METTL24: variants seen among roughly 807,000 people sequenced by gnomAD.
METTL24 encodes methyltransferase like 24, also known as probable methyltransferase-like protein 24.
Under a neutral mutation model 32.7 loss-of-function variants are expected in METTL24, and 29 were observed. The ratio of observed to expected loss-of-function variants is 0.89; its 90% CI spans 0.66 to 1.21. The LOEUF is 1.21. METTL24 is among the 50% of genes most tolerant of loss of function. The probability of loss-of-function intolerance (pLI) is 0.00; values close to 1 mark genes in which losing one functional copy is unlikely to be tolerated. For synonymous variants in METTL24, 163 were observed against 179.5 expected (o/e 0.91, Z 0.73); for missense variants, 439 against 468.1 (o/e 0.94, Z 0.57).
At chr6:110,318,332 C>T (rs189482914) in intron 2 of METTL24, among the ~76,000 whole-genome samples, 5 of 152,266 alleles carry the variant, frequency 3.3e-5, no homozygotes, top group African/African-American at 7.2e-5. Flanking sequence ...ATAAGGTCCC[C>T]TCTTCCTTTC....
chr6:110,302,452 T>C (rs1461621996), intron 3 of METTL24, among the ~76,000 whole-genome samples: 3 of 122,718 alleles, frequency 2.4e-5, no homozygotes. Flanking sequence ...TATATACACA[T>C]ATACACACAT....
chr6:110,252,011 G>A (rs538108641), intron 4 of METTL24, among the ~76,000 whole-genome samples: 63 of 152,244 alleles, frequency 4.1e-4, no homozygotes, highest in African/African-American at 1.5e-3. Flanking sequence ...GGGTGAGGTG[G>A]TACACTCCTG....
intron 4 of METTL24, among the ~76,000 whole-genome samples, chr6:110,265,486 G>A (rs762748112): frequency 6.6e-6 from 1 of 152,148 alleles, no homozygotes; most frequent in African/African-American, 2.4e-5. Flanking sequence ...TCAATGCTGC[G>A]CAGACAAATG....
At chr6:110,287,137 T>C (rs773882624) in intron 4 of METTL24, among the ~76,000 whole-genome samples, 3 of 152,204 alleles carry the variant, frequency 2.0e-5, no homozygotes, top group African/African-American at 4.8e-5. Context: ...AGTTAAACAC[T>C]GAATGGTTTG....
chr6:110,271,255 G>C (rs1351956356), intron 4 of METTL24, among the ~76,000 whole-genome samples: 2 of 152,014 alleles, frequency 1.3e-5, no homozygotes, highest in Non-Finnish European at 2.9e-5. Flanking sequence ...GCAGAAGACA[G>C]CTTTCTAGTA....
chr6:110,348,205 TGAGTTAA>T (rs781606235), intron 1 of METTL24, among the ~76,000 whole-genome samples: 9 of 152,234 alleles, frequency 5.9e-5, no homozygotes, highest in Non-Finnish European at 8.8e-5. Context: ...GACAACCCTG[TGAGTTAA>T]GTATTAGTAA....
chr6:110,343,474 A>C (rs756886162), intron 1 of METTL24, among the ~76,000 whole-genome samples: 8 of 152,238 alleles, frequency 5.3e-5, no homozygotes, highest in Non-Finnish European at 8.8e-5. Context: ...ATTATTGAAA[A>C]CAAACACTCA....
chr6:110,315,399 T>C lies in METTL24; in HGVS notation c.500A>G (p.Asp167Gly). The C allele has an allele frequency of 1.2e-6, 2 of 1,614,218 alleles. No individual in the cohort carries two copies. Among genetic ancestry groups the C allele is most frequent in the Non-Finnish European group, 1.7e-6 (2 of 1,180,034 alleles). ...THKPWSVCLD[D>G]RFNLAHQIRN... ...GATTTGATGAGCTAAATTGAACCTGTCGTCAAGACACACTGACCAGGGCTT... is the reference window on the plus strand; with the variant it reads ...GATTTGATGAGCTAAATTGAACCTGCCGTCAAGACACACTGACCAGGGCTT... Residue 167 changes from aspartate to glycine, a missense_variant, in exon 3 of 5, where the codon GAC (aspartate) becomes GGC (glycine). Physicochemically the swap from Asp to Gly is moderately conservative, Grantham distance 94. Coordinates refer to ENST00000338882, the MANE Select transcript of METTL24 (RefSeq NM_001123364.3).
chr6:110,293,641 A>G (rs1214462932), intron 4 of METTL24, among the ~76,000 whole-genome samples: 1 of 151,988 alleles, frequency 6.6e-6, no homozygotes, highest in African/African-American at 2.4e-5. Context: ...TTAAATAACA[A>G]TGGTGATTAC....
At chr6:110,287,154 A>G (rs1039941713) in intron 4 of METTL24, among the ~76,000 whole-genome samples, 10 of 152,340 alleles carry the variant, frequency 6.6e-5, no homozygotes, top group African/African-American at 2.4e-4. Flanking sequence ...TTTGAAAAAT[A>G]TTCAGAAGAG....
chr6:110,303,395 A>G (rs1175792648), intron 3 of METTL24, among the ~76,000 whole-genome samples: 3 of 152,204 alleles, frequency 2.0e-5, no homozygotes, highest in African/African-American at 7.2e-5. Context: ...CAAGGAGCCC[A>G]GCAAGCTAAG....
intron 4 of METTL24, among the ~76,000 whole-genome samples, chr6:110,275,030 C>T (rs767098539): frequency 1.2e-4 from 18 of 151,736 alleles, no homozygotes; most frequent in South Asian, 4.2e-4. Flanking sequence ...AACTCCTGGG[C>T]TCAAGTGATC....
chr6:110,267,456 A>T (rs1362653735), intron 4 of METTL24, among the ~76,000 whole-genome samples: 3 of 152,224 alleles, frequency 2.0e-5, no homozygotes, highest in Non-Finnish European at 4.4e-5. Context: ...TATAGATTAG[A>T]TAAAAAAACT....
intron 4 of METTL24, among the ~76,000 whole-genome samples, chr6:110,284,511 A>G (rs1350175052): frequency 6.6e-6 from 1 of 152,186 alleles, no homozygotes; most frequent in Non-Finnish European, 1.5e-5. Context: ...AGACAGATGG[A>G]GAGAAAGATG....
At chr6:110,330,272 C>T (rs1772090435) in intron 1 of METTL24, among the ~76,000 whole-genome samples, 1 of 152,218 alleles carries the variant, frequency 6.6e-6, no homozygotes, top group African/African-American at 2.4e-5. Flanking sequence ...GTTTCCTCTC[C>T]TCTCTGAGGC....
At chr6:110,262,250 A>T (rs1770748283) in intron 4 of METTL24, among the ~76,000 whole-genome samples, 1 of 152,226 alleles carries the variant, frequency 6.6e-6, no homozygotes, top group African/African-American at 2.4e-5. Flanking sequence ...AGAGAGAAGA[A>T]TCAAATAGAC....
chr6:110,257,432 C>T (rs536854001), intron 4 of METTL24, among the ~76,000 whole-genome samples: 3 of 152,060 alleles, frequency 2.0e-5, no homozygotes. Context: ...AAATTAATTT[C>T]TCTGCCACAT....
rs1778114147 is a variant in METTL24, at chr6:110,244,583, T to C, written c.*1363A>G. ...CGAGGCCTCAGGAAACTTACAGTCG[T>C]GGTGGAAGGGGAAGCAAACACATCC... On this transcript the variant is annotated 3_prime_UTR_variant, in exon 5 of 5. Transcript: ENST00000338882. Among the ~76,000 whole-genome samples, 1 of 152,104 alleles carries C rather than the reference T, an allele frequency of 6.6e-6. No individual in the cohort carries two copies. The highest frequency in any genetic ancestry group is 2.1e-4 in the South Asian group (1 of 4,824).
chr6:110,329,546 AT>A (rs1167486484), intron 1 of METTL24, among the ~76,000 whole-genome samples: 1 of 152,096 alleles, frequency 6.6e-6, no homozygotes, highest in Admixed American at 6.5e-5. Flanking sequence ...ACAAAATGGT[AT>A]CTGGACAGAA....
Sources: gnomAD v4.1 joint callset for allele counts (sites outside exome capture counted in the v4.1 genomes callset) on GRCh38, gnomAD v4.1.1 for gene constraint, MANE v1.5 for transcripts, NCBI Gene and HGNC (gene_info 2026-07-23, HGNC 2026-07-21) for gene names.